Variants in CACNA1E observed in about 807,000 individuals in gnomAD.
CACNA1E encodes voltage-dependent R-type calcium channel subunit alpha-1E.
A neutral mutation model predicts 259.2 loss-of-function variants in CACNA1E; 40 were observed. That is an observed-to-expected ratio of 0.15 (90% CI 0.12 to 0.20). CACNA1E has a LOEUF of 0.20. Ranked by LOEUF, CACNA1E falls within the 10% of genes least tolerant of loss-of-function variation. The pLI, the probability that CACNA1E is intolerant of heterozygous loss-of-function variation, is 1.00. For synonymous variants in CACNA1E, 1,104 were observed against 1,138.5 expected (o/e 0.97, Z 0.61); for missense variants, 1,874 against 3,040.1 (o/e 0.62, Z 9.02).
chr1:181,341,560 G>C (rs1652155475), intron 1 of CACNA1E, among the ~76,000 whole-genome samples: 1 of 152,104 alleles, frequency 6.6e-6, no homozygotes, highest in Non-Finnish European at 1.5e-5. Context: ...CCTTCTCCTG[G>C]GCTTCAGCTC....
rs1055811039 is a variant in CACNA1E at position 181,425,163 on chromosome 1, A to G, written c.434+11583A>G. Among the ~76,000 whole-genome samples, 13 of 152,156 alleles carry G rather than the reference A, an allele frequency of 8.5e-5. No individual in the cohort carries two copies. In the East Asian group the frequency reaches 2.1e-3, roughly 25 times the overall value. ...GTATTGCAGCCGCAGTCTCACTGGGATGCTTTCCGCTGTGTAGCTGGAGGG... is the reference window on the plus strand; with the variant it reads ...GTATTGCAGCCGCAGTCTCACTGGGGTGCTTTCCGCTGTGTAGCTGGAGGG... On this transcript the variant is annotated intron_variant, in intron 2 of 11. Coordinates refer to the CACNA1E transcript ENST00000524607.
In CACNA1E at chr1:181,737,515, C is replaced by T. The variant is rs760205505; in HGVS notation, c.3423-10C>T. The T allele has an allele frequency of 1.9e-6, 3 of 1,613,462 alleles. No individual in the cohort carries two copies. The highest frequency in any genetic ancestry group is 1.3e-5 in the African/African-American group (1 of 75,056). On this transcript the variant is annotated splice_polypyrimidine_tract_variant and intron_variant, in intron 22 of 47. Coordinates refer to ENST00000367573, the MANE Select transcript of CACNA1E (RefSeq NM_001205293.3). ...GAGTGGGCCAGCTCAGCCATGCCCA[C>T]TGCCCGCAGGATCCGGAGGGCCTGC... is the stretch of plus-strand genomic sequence containing the variant.
intron 1 of CACNA1E, among the ~76,000 whole-genome samples, chr1:181,379,854 T>C (rs935825821): frequency 6.6e-6 from 1 of 151,898 alleles, no homozygotes; most frequent in African/African-American, 2.4e-5. Context: ...AAAAGCCACA[T>C]AATGGATAGA....
chr1:181,370,176 T>G (rs946454381), intron 1 of CACNA1E, among the ~76,000 whole-genome samples: 2 of 152,130 alleles, frequency 1.3e-5, no homozygotes, highest in African/African-American at 2.4e-5. Flanking sequence ...GCATTCCAAC[T>G]TGGACACTGT....
chr1:181,724,583 G>A (rs886363723), intron 17 of CACNA1E, 46 bp downstream of exon 17: 18 of 1,488,826 alleles, frequency 1.2e-5, no homozygotes, highest in Non-Finnish European at 1.4e-5. Flanking sequence ...AGTGCCATTG[G>A]GTACCCTTTG....
intron 3 of CACNA1E, among the ~76,000 whole-genome samples, chr1:181,575,776 A>G (rs1307703178): frequency 6.6e-6 from 1 of 152,210 alleles, no homozygotes; most frequent in African/African-American, 2.4e-5. Flanking sequence ...AGAGTCTCCC[A>G]CCTGGGCAGC....
At chr1:181,397,349 G>A (rs571891576) in intron 1 of CACNA1E, among the ~76,000 whole-genome samples, 1 of 152,112 alleles carries the variant, frequency 6.6e-6, no homozygotes, top group Non-Finnish European at 1.5e-5. Context: ...TTTCCAGGCC[G>A]GAGTGCAGTG....
At chr1:181,445,287 A>T (rs568958496) in intron 2 of CACNA1E, among the ~76,000 whole-genome samples, 1 of 152,280 alleles carries the variant, frequency 6.6e-6, no homozygotes, top group Non-Finnish European at 1.5e-5. Context: ...TACAATACAT[A>T]ATCTTCCAAT....
chr1:181,414,942 T>G (rs591650), intron 2 of CACNA1E, among the ~76,000 whole-genome samples: 29,717 of 152,180 alleles, frequency 0.2, 6,482 homozygotes, highest in African/African-American at 0.54. Context: ...GCACTGGTGT[T>G]GGGGTTTGGA....
chr1:181,695,285 TAA>T (rs1433093866), intron 7 of CACNA1E, among the ~76,000 whole-genome samples: 1 of 152,186 alleles, frequency 6.6e-6, no homozygotes, highest in African/African-American at 2.4e-5. Context: ...TTAATATTAT[TAA>T]GATATCCATT....
intron 7 of CACNA1E, among the ~76,000 whole-genome samples, chr1:181,675,706 G>A (rs536518428): frequency 6.6e-6 from 1 of 152,172 alleles, no homozygotes; most frequent in Admixed American, 6.5e-5. Context: ...CATCTGAAGA[G>A]GCTGTGAGCC....
chr1:181,483,993 G>C lies in CACNA1E; in HGVS notation c.249G>C (p.Lys83Asn), dbSNP rs765566617. Residue 83 changes from lysine (K) to asparagine (N), a missense_variant, in exon 1 of 48, where the codon AAG becomes AAC. Around this residue, in one of 14 missense-constraint regions of CACNA1E, gnomAD observed 110 missense variants for 122.8 expected, o/e 0.90. Transcript: ENST00000367573. ...GEDNIVRKYA[K>N]KLIDWPPFEY... ...ATAACATTGTCAGGAAATATGCCAA[G>C]AAGCTCATCGATTGGCCATATCCTT... The C allele has an allele frequency of 6.2e-7, 1 of 1,613,758 alleles. No individual in the cohort carries two copies. The highest frequency in any genetic ancestry group is 1.1e-5 in the South Asian group (1 of 91,066).
intron 1 of CACNA1E, among the ~76,000 whole-genome samples, chr1:181,385,907 T>C (rs981830581): frequency 6.6e-6 from 1 of 152,102 alleles, no homozygotes; most frequent in Non-Finnish European, 1.5e-5. Context: ...TCATTTATTT[T>C]ACTCTTATTC....
chr1:181,790,433 A>C lies in CACNA1E; in HGVS notation c.5787-12A>C. On this transcript the variant is annotated splice_polypyrimidine_tract_variant and intron_variant, in intron 43 of 47. Transcript: ENST00000367573. ...GTCCCTCATTACCTCTGGATTTGAC[A>C]TTGCTTTTCAGGAGTGGCCGGAGTG... 6.4e-7 allele frequency: 1 copy of C among 1,559,814 alleles called. No homozygotes were observed. The highest frequency in any genetic ancestry group is 1.1e-5 in the South Asian group (1 of 89,980).
chr1:181,727,645 G>A (rs1005456485), intron 18 of CACNA1E, among the ~76,000 whole-genome samples: 5 of 152,178 alleles, frequency 3.3e-5, no homozygotes, highest in African/African-American at 9.7e-5. Context: ...TGACACAGAG[G>A]GGTGTTGGAG....
chr1:181,426,598 T>C (rs1181255785), intron 2 of CACNA1E, among the ~76,000 whole-genome samples: 1,201 of 45,576 alleles, frequency 0.026, no homozygotes, highest in Middle Eastern at 0.081. Context: ...CACAACTCAA[T>C]CCCTTCCCAT....
intron 3 of CACNA1E, among the ~76,000 whole-genome samples, chr1:181,576,098 G>A (rs1340280814): frequency 6.6e-6 from 1 of 152,174 alleles, no homozygotes. Flanking sequence ...CGTTTCTGAC[G>A]ACGGCATGGA....
At chr1:181,344,791 G>A (rs1652459212) in intron 1 of CACNA1E, among the ~76,000 whole-genome samples, 1 of 152,202 alleles carries the variant, frequency 6.6e-6, no homozygotes, top group African/African-American at 2.4e-5. Flanking sequence ...CCCCCGGGCT[G>A]GCCATCGGCC....
chr1:181,631,155 G>A (rs567829213), intron 6 of CACNA1E, among the ~76,000 whole-genome samples: 7 of 152,302 alleles, frequency 4.6e-5, no homozygotes, highest in South Asian at 2.1e-4. Flanking sequence ...CAGGGTGGCC[G>A]AGCTGCCAGC....
Sources: gnomAD v4.1 joint callset for allele counts (sites outside exome capture counted in the v4.1 genomes callset) on GRCh38, gnomAD v4.1.1 for gene constraint, gnomAD v4.1.1 regional missense constraint, MANE v1.5 for transcripts, NCBI Gene and HGNC (gene_info 2026-07-23, HGNC 2026-07-21) for gene names.